The following MIS18A variants were observed in gnomAD, a reference collection of about 807,000 sequenced individuals.
MIS18A encodes the protein protein Mis18-alpha.
In MIS18A, 14 loss-of-function variants were observed where a neutral mutation model predicts 25.0. That is an observed-to-expected ratio of 0.56 (90% confidence interval 0.37 to 0.88). MIS18A has a LOEUF of 0.88. MIS18A is among the 40% of genes least tolerant of loss of function. MIS18A has a pLI of 0.00. For synonymous variants in MIS18A, 134 were observed against 118.6 expected (o/e 1.13, Z -0.84); for missense variants, 292 against 290.8 (o/e 1.00, Z -0.03).
the MIS18A span, among the ~76,000 whole-genome samples, chr21:32,249,827 A>G: frequency 6.6e-6 from 1 of 152,146 alleles, no homozygotes; most frequent in African/African-American, 2.4e-5. Flanking sequence ...ATCCGCCCCC[A>G]TGGCCTAAAC....
In MIS18A at chr21:32,278,934, G is replaced by A. The variant is rs1355277509; in HGVS notation, c.81C>T (p.Asp27=). ...CECGDKGKCS[D]SSLLGKRLSE... ...AGAGTCTCTTGCCCAACAGCGAGGA[G>A]TCGCTGCATTTGCCCTTGTCGCCGC... The change falls in exon 1 of 5, where the codon GAC becomes GAT. Residue 27 remains aspartate (D), a synonymous_variant. Transcript: ENST00000290130. The A allele has an allele frequency of 6.2e-7, 1 of 1,613,498 alleles. No individual in the cohort carries two copies. The highest frequency in any genetic ancestry group is 8.5e-7 in the Non-Finnish European group (1 of 1,180,008).
chr21:32,251,380 A>G, the MIS18A span, among the ~76,000 whole-genome samples: 1 of 147,666 alleles, frequency 6.8e-6, no homozygotes, highest in Non-Finnish European at 1.5e-5. Flanking sequence ...TCCCTCTCCC[A>G]CCTCCCAGCT....
the MIS18A span, among the ~76,000 whole-genome samples, chr21:32,177,616 C>T: frequency 5.3e-5 from 8 of 151,942 alleles, no homozygotes; most frequent in Non-Finnish European, 8.8e-5. Flanking sequence ...ATTTAAAAAT[C>T]AATTGTATTT....
At position 32,278,971 on chromosome 21, in the gene MIS18A, C is replaced by A. The variant is rs144861294; in HGVS notation, c.44G>T (p.Gly15Val). Reference protein sequence around the residue: ...RSLRCSRGCAGGCECGDKGKC... With the variant: ...RSLRCSRGCAVGCECGDKGKC... ...GCCCTTGTCGCCGCACTCACAGCCG[C>A]CAGCGCATCCTCTGCTACACCTCAG... The change falls in exon 1 of 5, where the codon GGC becomes GTC. Residue 15 changes from glycine (G) to valine (V), a missense_variant. By Grantham distance (109) the Gly-to-Val change is moderately radical. Coordinates refer to ENST00000290130, the MANE Select transcript of MIS18A (RefSeq NM_018944.3). 1 of 1,611,750 alleles carries A rather than the reference C, an allele frequency of 6.2e-7. No individual in the cohort carries two copies. Among genetic ancestry groups the A allele is most frequent in the Non-Finnish European group, 8.5e-7 (1 of 1,179,948 alleles).
chr21:32,274,847 A>G lies in MIS18A; in HGVS notation c.384T>C (p.Arg128=). 1 of 1,612,454 alleles carries G rather than the reference A, an allele frequency of 6.2e-7. No individual in the cohort carries two copies. Among genetic ancestry groups the G allele is most frequent in the Non-Finnish European group, 8.5e-7 (1 of 1,178,880 alleles). ...TTACTCACCAACCATTTTCCTTTTC[A>G]CGTTTGGATAGCTTCTGTTCCTTAT... ...SVDKEQKLSK[R]EKENGCVLET... Residue 128 remains arginine, a synonymous_variant, in exon 2 of 5, where the codon CGT becomes CGC. Coordinates refer to ENST00000290130, the MANE Select transcript of MIS18A (RefSeq NM_018944.3).
chr21:32,257,524 C>G, the MIS18A span, among the ~76,000 whole-genome samples: 3 of 152,188 alleles, frequency 2.0e-5, no homozygotes, highest in Admixed American at 2.0e-4. Flanking sequence ...CTATGTCCAT[C>G]AGATTACAAA....
chr21:32,245,070 C>T, the MIS18A span, among the ~76,000 whole-genome samples: 1 of 152,282 alleles, frequency 6.6e-6, no homozygotes, highest in Non-Finnish European at 1.5e-5. Context: ...TTCCATAATG[C>T]ACATCGTTCT....
the MIS18A span, among the ~76,000 whole-genome samples, chr21:32,233,223 C>T: frequency 1.8e-3 from 281 of 152,302 alleles, 1 homozygote; most frequent in Admixed American, 3.9e-3. Flanking sequence ...CAGCTCTTTG[C>T]TATGTAAATG....
chr21:32,269,791 C>A lies in MIS18A; in HGVS notation c.537G>T (p.Gly179=). The A allele has an allele frequency of 6.2e-7, 1 of 1,602,358 alleles. No individual in the cohort carries two copies. The highest frequency in any genetic ancestry group is 8.6e-7 in the Non-Finnish European group (1 of 1,169,330). The part of the protein sequence containing the change: ...SVEAIESYVL[G]SSEKQIVSED... ...CTGACACAATTTGCTTTTCAGAGGA[C>A]CCTAAAACATAACTGAAGTACGGTA... Residue 179 remains glycine, a synonymous_variant, in exon 4 of 5, where the codon GGG becomes GGT. Coordinates refer to ENST00000290130, the MANE Select transcript of MIS18A (RefSeq NM_018944.3).
chr21:32,195,754 T>C, the MIS18A span, among the ~76,000 whole-genome samples: 1 of 152,168 alleles, frequency 6.6e-6, no homozygotes, highest in Non-Finnish European at 1.5e-5. Context: ...GCACAGTGGC[T>C]CACACCTGTA....
chr21:32,258,125 T>C, the MIS18A span, among the ~76,000 whole-genome samples: 3 of 152,130 alleles, frequency 2.0e-5, no homozygotes, highest in African/African-American at 7.2e-5. Flanking sequence ...AACTCCAAAC[T>C]GAGCTGGCAA....
chr21:32,177,434 C>G, the MIS18A span, among the ~76,000 whole-genome samples: 48 of 152,038 alleles, frequency 3.2e-4, no homozygotes, highest in Non-Finnish European at 5.4e-4. Flanking sequence ...CTATATTGTA[C>G]TAGAAGTTCC....
chr21:32,239,035 GA>G, the MIS18A span, among the ~76,000 whole-genome samples: 9 of 152,144 alleles, frequency 5.9e-5, no homozygotes, highest in Non-Finnish European at 7.4e-5. Context: ...AATTGTGTAA[GA>G]AAAAAATTAT....
chr21:32,269,081 AC>A lies in MIS18A; in HGVS notation c.657del (p.Trp220GlyfsTer17). ...AAGGACAATTTGGATTCGGCCTCCC[AC>A]AGCTTCATTTGTAATGCTTTCAAGA... is the stretch of plus-strand genomic sequence containing the variant. ...EDVLKALQMK[L>X]WEAESKLSFA... On this transcript the variant is annotated frameshift_variant, in exon 5 of 5. Transcript: ENST00000290130. LOFTEE classifies it low-confidence loss of function (END_TRUNC). 1.2e-6 allele frequency: 2 copies of A among 1,606,584 alleles called. No homozygotes were observed. Among genetic ancestry groups the A allele is most frequent in the African/African-American group, 2.7e-5 (2 of 74,958 alleles).
the MIS18A span, chr21:32,156,473 G>A: frequency 6.6e-6 from 1 of 152,140 alleles, no homozygotes; most frequent in Non-Finnish European, 1.5e-5. Context: ...ATTTACATGA[G>A]CAGATTTACA....
the MIS18A span, among the ~76,000 whole-genome samples, chr21:32,186,909 T>A: frequency 1.3e-5 from 2 of 152,140 alleles, no homozygotes; most frequent in Non-Finnish European, 2.9e-5. Flanking sequence ...AAAAGCAGTT[T>A]CCCGCACAAT....
chr21:32,196,817 G>T, the MIS18A span, among the ~76,000 whole-genome samples: 1 of 152,096 alleles, frequency 6.6e-6, no homozygotes, highest in Non-Finnish European at 1.5e-5. Flanking sequence ...AGATAGGTCG[G>T]ATAGATAGAT....
chr21:32,225,237 A>G, the MIS18A span, among the ~76,000 whole-genome samples: 1 of 106,952 alleles, frequency 9.3e-6, no homozygotes, highest in Non-Finnish European at 1.8e-5. Context: ...TTCATGTCCA[A>G]AACACCAAAA....
chr21:32,228,921 G>T, the MIS18A span, among the ~76,000 whole-genome samples: 2 of 151,894 alleles, frequency 1.3e-5, no homozygotes, highest in African/African-American at 4.8e-5. Flanking sequence ...TTGTTAAGCT[G>T]GATTATGAAA....
Sources: allele counts gnomAD v4.1 joint callset (sites outside exome capture counted in the v4.1 genomes callset), GRCh38; gene constraint gnomAD v4.1.1; transcripts MANE v1.5; gene names NCBI Gene and HGNC (gene_info 2026-07-23, HGNC 2026-07-21).